Variants in SPTBN4 observed in about 807,000 individuals in gnomAD.
SPTBN4 encodes spectrin beta chain, non-erythrocytic 4.
In SPTBN4, 96 loss-of-function variants were observed where a neutral mutation model predicts 277.8. That is an observed-to-expected ratio of 0.35 (90% CI 0.29 to 0.41). The LOEUF (loss-of-function observed/expected upper bound fraction) is 0.41. Ranked by LOEUF, SPTBN4 falls within the 10% of genes least tolerant of loss-of-function variation. The probability of loss-of-function intolerance (pLI) is 1.00; values close to 1 mark genes in which losing one functional copy is unlikely to be tolerated. For missense variants in SPTBN4, 3,006 were observed against 3,595.7 expected, an observed-to-expected ratio of 0.84 and a Z score of 4.19; for synonymous variants, 1,481 against 1,580.3, an observed-to-expected ratio of 0.94 and a Z score of 1.49.
chr19:40,488,517 G>T (rs893283090), intron 3 of SPTBN4, among the ~76,000 whole-genome samples: 4 of 152,176 alleles, frequency 2.6e-5, no homozygotes, highest in African/African-American at 9.7e-5. Flanking sequence ...ACAGCTGGGC[G>T]CTGTGGCTCA....
intron 17 of SPTBN4, among the ~76,000 whole-genome samples, chr19:40,527,094 T>C (rs1230701019): frequency 6.6e-6 from 1 of 152,168 alleles, no homozygotes; most frequent in Admixed American, 6.6e-5. Flanking sequence ...CTGTTCCTTC[T>C]CTCTGGTTCT....
chr19:40,569,525 A>G, intron 31 of SPTBN4, 132 bp from the exon 32 acceptor site: 2 of 838,534 alleles, frequency 2.4e-6, no homozygotes. Flanking sequence ...AGCATCTGAG[A>G]GAAACAGCTG....
In SPTBN4 at chr19:40,554,356, CGACGTGGCTGAGGTGGA is replaced by C; in HGVS notation, c.4886_4902del (p.Asp1629GlyfsTer13). Reference sequence around the variant, plus strand: ...CCTTCCAGGTGGAGCAGTACTACTTCGACGTGGCTGAGGTGGAGGCGTGGCTGGGCGAGCAGGAGCTG... The same window carrying C: ...CCTTCCAGGTGGAGCAGTACTACTTCGGCGTGGCTGGGCGAGCAGGAGCTG... On this transcript the variant is annotated frameshift_variant, in exon 23 of 36. Coordinates refer to ENST00000598249, the MANE Select transcript of SPTBN4 (RefSeq NM_020971.3). LOFTEE classifies it high-confidence loss of function. This position sits in a 1 kb window ranked among gnomAD's most constrained non-coding sequence, Gnocchi z 5.7. The C allele has an allele frequency of 6.3e-7, 1 of 1,582,054 alleles. No individual in the cohort carries two copies. Among genetic ancestry groups the C allele is most frequent in the Admixed American group, 1.8e-5 (1 of 56,884 alleles).
intron 2 of SPTBN4, among the ~76,000 whole-genome samples, chr19:40,479,664 T>C (rs2079987105): frequency 8.8e-6 from 1 of 113,540 alleles, no homozygotes; most frequent in Admixed American, 8.6e-5. Context: ...TGTGCATTGC[T>C]AATGAGTAAG....
chr19:40,569,936 C>CCACACACACACACACACACA (rs60074818), intron 32 of SPTBN4, among the ~76,000 whole-genome samples: 11 of 131,560 alleles, frequency 8.4e-5, no homozygotes, highest in South Asian at 2.5e-4. Flanking sequence ...TACTGCCCCT[C>CCACACACACACACACACACA]CACACACACA....
chr19:40,485,181 G>A (rs558535874), intron 2 of SPTBN4, among the ~76,000 whole-genome samples: 268 of 151,826 alleles, frequency 1.8e-3, no homozygotes, highest in African/African-American at 6.1e-3. Context: ...GCAGAGTCTC[G>A]CTTTGTAGCC....
At position 40,513,132 on chromosome 19, in the gene SPTBN4, C is replaced by G; in HGVS notation, c.2343C>G (p.Asp781Glu). The change falls in exon 14 of 36, where the codon GAC becomes GAG. Residue 781 changes from aspartate (D) to glutamate (E), a missense_variant. By Grantham distance (45) the Asp-to-Glu change is conservative. Transcript: ENST00000598249. ...GGGCGCTGCACCAGTTCGGCGCTGA[C>G]CTCGACGGGCTGCTGGACTGGCTTC... ...EARALHQFGA[D>E]LDGLLDWLRD... 4 of 1,489,938 alleles carry G rather than the reference C, an allele frequency of 2.7e-6. No homozygotes were observed. The highest frequency in any genetic ancestry group is 3.5e-6 in the Non-Finnish European group (4 of 1,128,894). 92.3% of individuals were successfully genotyped at this position (1,489,938 alleles called of 1,614,324 possible). A position where few individuals can be genotyped will look rare whatever the true frequency, so the allele number is the denominator to read the frequency against.
intron 22 of SPTBN4, among the ~76,000 whole-genome samples, chr19:40,552,465 A>G (rs1171880733): frequency 1.3e-5 from 2 of 151,736 alleles, no homozygotes; most frequent in Non-Finnish European, 2.9e-5. Flanking sequence ...CAAAAAAAAA[A>G]AAAAAAAAAG....
At chr19:40,565,224 C>G (rs769159626) in intron 27 of SPTBN4, among the ~76,000 whole-genome samples, 199 bp from the exon 28 acceptor site, 1 of 151,640 alleles carries the variant, frequency 6.6e-6, no homozygotes, top group Non-Finnish European at 1.5e-5. Flanking sequence ...GAGATCGCCC[C>G]ACTGCACTCC....
intron 18 of SPTBN4, among the ~76,000 whole-genome samples, chr19:40,531,471 T>G (rs868769730): frequency 4.0e-3 from 300 of 75,288 alleles, no homozygotes; most frequent in African/African-American, 0.018. Flanking sequence ...TTTGTTTTTT[T>G]TTTTTTTTTT....
intron 20 of SPTBN4, among the ~76,000 whole-genome samples, chr19:40,546,680 CA>C (rs1045587170): frequency 6.6e-6 from 1 of 152,042 alleles, no homozygotes; most frequent in Admixed American, 6.6e-5. Flanking sequence ...ATCTTTATGA[CA>C]AATTTCAAAA....
chr19:40,519,430 A>G lies in SPTBN4; in HGVS notation c.2933A>G (p.Gln978Arg), dbSNP rs747024562. The G allele has an allele frequency of 2.5e-6, 4 of 1,591,594 alleles. No homozygotes were observed. Among genetic ancestry groups the G allele is most frequent in the Non-Finnish European group, 3.4e-6 (4 of 1,171,500 alleles). Residue 978 changes from glutamine to arginine, a missense_variant, in exon 16 of 36, where the codon CAG becomes CGG. Transcript: ENST00000598249. The surrounding 1 kb of genome is among the most constrained non-coding windows in gnomAD (Gnocchi z 5.7). ...RWNRIVELVE[Q>R]RKEEMSAVLL... ...AACCGCATCGTGGAGCTAGTGGAACAGCGCAAAGAGGAAATGAGCGCGGTG... is the reference window on the plus strand; with the variant it reads ...AACCGCATCGTGGAGCTAGTGGAACGGCGCAAAGAGGAAATGAGCGCGGTG...
At chr19:40,518,970 CTT>C (rs1272952021) in intron 15 of SPTBN4, among the ~76,000 whole-genome samples, 1 of 152,054 alleles carries the variant, frequency 6.6e-6, no homozygotes, top group Non-Finnish European at 1.5e-5. Context: ...TTAAAAATAA[CTT>C]TTCATAACAC....
chr19:40,507,814 G>A (rs1390335249), intron 13 of SPTBN4, among the ~76,000 whole-genome samples: 1 of 152,160 alleles, frequency 6.6e-6, no homozygotes, highest in East Asian at 1.9e-4. Flanking sequence ...TCCAGCCTAG[G>A]TGACAGAGCG....
intron 2 of SPTBN4, among the ~76,000 whole-genome samples, chr19:40,481,320 T>C (rs1033159980): frequency 1.3e-5 from 2 of 152,022 alleles, no homozygotes; most frequent in Non-Finnish European, 2.9e-5. Context: ...CTGCCCAAAG[T>C]GTTTGGATTA....
At chr19:40,489,322 G>T (rs1011525354) in intron 3 of SPTBN4, among the ~76,000 whole-genome samples, 1 of 152,088 alleles carries the variant, frequency 6.6e-6, no homozygotes, top group Non-Finnish European at 1.5e-5. Flanking sequence ...GGCGGAGCTT[G>T]ATTGGGATGG....
At chr19:40,493,407 C>T (rs577306609) in intron 5 of SPTBN4, among the ~76,000 whole-genome samples, 2 of 152,304 alleles carry the variant, frequency 1.3e-5, no homozygotes, top group South Asian at 4.1e-4. Flanking sequence ...CACCCAGTTT[C>T]AAATGTAGAA....
chr19:40,470,550 G>A (rs900941121), intron 1 of SPTBN4, among the ~76,000 whole-genome samples: 13 of 150,666 alleles, frequency 8.6e-5, no homozygotes, highest in South Asian at 2.1e-4. Flanking sequence ...CAAGCGATCT[G>A]CCTGCCTTGG....
chr19:40,544,127 CTTTTT>C (rs10618096), intron 20 of SPTBN4, among the ~76,000 whole-genome samples: 3 of 128,910 alleles, frequency 2.3e-5, no homozygotes, highest in Non-Finnish European at 3.2e-5. Flanking sequence ...TCTTCTTCCT[CTTTTT>C]TTTTTTTTTT....
Sources: allele counts gnomAD v4.1 joint callset (sites outside exome capture counted in the v4.1 genomes callset), GRCh38; gene constraint gnomAD v4.1.1; non-coding constraint Gnocchi (gnomAD v3.1); transcripts MANE v1.5; gene names NCBI Gene and HGNC (gene_info 2026-07-23, HGNC 2026-07-21).